XIAP: variants seen among roughly 807,000 people sequenced by gnomAD.
XIAP encodes the protein X-linked inhibitor of apoptosis, also known as E3 ubiquitin-protein ligase XIAP.
A neutral mutation model predicts 33.1 loss-of-function variants in XIAP; 3 were observed. The ratio of observed to expected loss-of-function variants is 0.09; its 90% confidence interval spans 0.04 to 0.23. The LOEUF is 0.23. Among genes scored for constraint, XIAP ranks in the 10% least tolerant of loss-of-function variants. XIAP has a pLI of 1.00. For synonymous variants in XIAP, 98 were observed against 121.3 expected, an observed-to-expected ratio of 0.81 and a Z score of 1.26; for missense variants, 264 against 363.0, an observed-to-expected ratio of 0.73 and a Z score of 2.22.
At position 123,901,085 on chromosome X, in the gene XIAP, G is replaced by T. The variant is rs749438762; in HGVS notation, c.1300+392G>T. On this transcript the variant is annotated intron_variant, in intron 6 of 6. Coordinates refer to ENST00000371199, the MANE Select transcript of XIAP (RefSeq NM_001167.4). The stretch of plus-strand genomic sequence containing the variant: ...GGAACACTAATCCCATCATGGGGGG[G>T]TCTCATCTTCATGACCTCATCTAAA... Among the ~76,000 whole-genome samples, 4 of 111,380 alleles carry T rather than the reference G, an allele frequency of 3.6e-5. No homozygotes were observed. In the East Asian group the frequency reaches 1.1e-3, roughly 32 times the overall value.
At chrX:123,872,196 G>A (rs965313731) in intron 1 of XIAP, among the ~76,000 whole-genome samples, 6 of 111,082 alleles carry the variant, frequency 5.4e-5, no homozygotes, top group African/African-American at 1.6e-4. Flanking sequence ...CCCAAAGTTC[G>A]CGGATACTTC....
chrX:123,868,578 A>G (rs771040339), intron 1 of XIAP, among the ~76,000 whole-genome samples: 5 of 110,394 alleles, frequency 4.5e-5, no homozygotes, highest in African/African-American at 1.3e-4. Context: ...AAAAATAGAA[A>G]AATTAACTGG....
At position 123,912,791 on chromosome X, in the gene XIAP, T is replaced by C. The variant is rs775050365; in HGVS notation, c.*5610T>C. ...ACTCTGCCTCGCAAGCAGCTGGGAC[T>C]ACAGGCATGCTCCACGGTGCCCAGT... On this transcript the variant is annotated 3_prime_UTR_variant, in exon 7 of 7. Transcript: ENST00000371199. The C allele has an allele frequency of 3.1e-6, 1 of 325,533 alleles. No individual in the cohort carries two copies. Among genetic ancestry groups the C allele is most frequent in the South Asian group, 2.7e-5 (1 of 37,617 alleles). 26.8% of individuals were successfully genotyped at this position (325,533 alleles called of 1,213,427 possible).
Position 123,900,689 on chromosome X carries a change from G to C in XIAP, c.1296G>C (p.Gln432His). 1 of 1,209,966 alleles carries C rather than the reference G, an allele frequency of 8.3e-7. No homozygotes were observed. Among genetic ancestry groups the C allele is most frequent in the Non-Finnish European group, 1.1e-6 (1 of 893,830 alleles). The change falls in exon 6 of 7, where the codon CAG (glutamine) becomes CAC (histidine). Residue 432 changes from glutamine to histidine, a missense_variant. Gln to His is a conservative substitution (Grantham distance 24). Coordinates refer to ENST00000371199, the MANE Select transcript of XIAP (RefSeq NM_001167.4). Reference sequence around the variant, plus strand: ...ATGAGTCAAGTCAGACTTCATTACAGAAAGGTATGCATTGCTGTTTTTAAA... The same window carrying C: ...ATGAGTCAAGTCAGACTTCATTACACAAAGGTATGCATTGCTGTTTTTAAA... ...MQDESSQTSL[Q>H]KEISTEEQLR...
rs1364490259 is a variant in XIAP, at chrX:123,886,645, A to G, written c.877+106A>G. 5 of 855,491 alleles carry G rather than the reference A, an allele frequency of 5.8e-6. No individual in the cohort carries two copies. The East Asian group carries it at 1.6e-4, about 28-fold the overall frequency. 70.5% of individuals were successfully genotyped at this position (855,491 alleles called of 1,213,427 possible). Reference sequence around the variant, plus strand: ...CTGAACTGGTAAATATTTAGGTATAACTTGGCATGATTATATATATATCTG... The same window carrying G: ...CTGAACTGGTAAATATTTAGGTATAGCTTGGCATGATTATATATATATCTG... On this transcript the variant is annotated intron_variant, in intron 2 of 6. Transcript: ENST00000371199.
chrX:123,867,047 C>A (rs765424377), intron 1 of XIAP, among the ~76,000 whole-genome samples: 1 of 77,530 alleles, frequency 1.3e-5, no homozygotes, highest in African/African-American at 4.8e-5. Flanking sequence ...TCCCCCCCCC[C>A]CCTTCAACAT....
chrX:123,912,374 A>T lies in XIAP; in HGVS notation c.*5193A>T. On this transcript the variant is annotated 3_prime_UTR_variant, in exon 7 of 7. Transcript: ENST00000371199. The stretch of plus-strand genomic sequence containing the variant: ...AAAAAAAAAAAAAGCAATTATTTTT[A>T]AACCAACCTAATATATTGTATTAGG... 3.1e-6 allele frequency: 1 copy of T among 320,841 alleles called. No individual in the cohort carries two copies. The highest frequency in any genetic ancestry group is 6.0e-6 in the Non-Finnish European group (1 of 167,764). The allele number at this position is 320,841 out of a possible 1,213,427, so 26.4% of individuals were successfully genotyped here.
At chrX:123,870,389 A>G (rs11796943) in intron 1 of XIAP, among the ~76,000 whole-genome samples, 25,362 of 111,642 alleles carry the variant, frequency 0.23, 2,286 homozygotes, top group Non-Finnish European at 0.27. Context: ...GCGGACACTC[A>G]TGAAATATGT....
At chrX:123,865,020 T>C (rs1431475397) in intron 1 of XIAP, among the ~76,000 whole-genome samples, 1 of 107,261 alleles carries the variant, frequency 9.3e-6, no homozygotes, top group African/African-American at 3.4e-5. Context: ...TTTTTTATGT[T>C]CGTCTGTTTT....
intron 1 of XIAP, among the ~76,000 whole-genome samples, chrX:123,870,855 C>T (rs930758706): frequency 8.9e-6 from 1 of 111,909 alleles, no homozygotes; most frequent in South Asian, 3.7e-4. Context: ...TAGAATACTT[C>T]ACTCTGAGGT....
At chrX:123,905,796 C>T (rs984543859) in intron 6 of XIAP, among the ~76,000 whole-genome samples, 4 of 112,230 alleles carry the variant, frequency 3.6e-5, no homozygotes, top group African/African-American at 1.3e-4. Context: ...AGGGAAATGC[C>T]TTGTACATTT....
chrX:123,865,062 C>T (rs2053122870), intron 1 of XIAP, among the ~76,000 whole-genome samples: 1 of 104,934 alleles, frequency 9.5e-6, no homozygotes, highest in South Asian at 4.2e-4. Flanking sequence ...TTTGTTTTTC[C>T]ATTGTTCTTT....
chrX:123,871,695 CTA>C (rs1375234669), intron 1 of XIAP, among the ~76,000 whole-genome samples: 3 of 109,648 alleles, frequency 2.7e-5, no homozygotes, highest in Admixed American at 2.0e-4. Context: ...CTGGGTCTAC[CTA>C]TGTTTCCCAA....
chrX:123,908,245 A>G lies in XIAP; in HGVS notation c.*1064A>G, dbSNP rs2148113134. On this transcript the variant is annotated 3_prime_UTR_variant, in exon 7 of 7. Coordinates refer to ENST00000371199, the MANE Select transcript of XIAP (RefSeq NM_001167.4). Reference sequence around the variant, plus strand: ...ATGTTTTTCCTGCTTTGTGGATGAAAAATATTTCTGAGTGGTAGTTTTTTG... The same window carrying G: ...ATGTTTTTCCTGCTTTGTGGATGAAGAATATTTCTGAGTGGTAGTTTTTTG... 1 of 361,801 alleles carries G rather than the reference A, an allele frequency of 2.8e-6. No homozygotes were observed. Among genetic ancestry groups the G allele is most frequent in the East Asian group, 6.3e-5 (1 of 15,818 alleles). 29.8% of individuals were successfully genotyped at this position (361,801 alleles called of 1,213,427 possible).
At position 123,908,505 on chromosome X, in the gene XIAP, T is replaced by C. The variant is rs761482412; in HGVS notation, c.*1324T>C. ...CATGTTTGTACACTGCTTGTAGTTATAGTGACAGCTTTCCATGTTGAGATT... is the reference window on the plus strand; with the variant it reads ...CATGTTTGTACACTGCTTGTAGTTACAGTGACAGCTTTCCATGTTGAGATT... On this transcript the variant is annotated 3_prime_UTR_variant, in exon 7 of 7. Transcript: ENST00000371199. 25 of 366,346 alleles carry C rather than the reference T, an allele frequency of 6.8e-5. 1 individual carries two copies. The highest frequency in any genetic ancestry group is 1.8e-4 in the East Asian group (3 of 16,803). 30.2% of individuals were successfully genotyped at this position (366,346 alleles called of 1,213,427 possible).
chrX:123,897,017 C>T (rs1359736363), intron 5 of XIAP, among the ~76,000 whole-genome samples: 1 of 105,875 alleles, frequency 9.4e-6, no homozygotes, highest in Non-Finnish European at 1.9e-5. Flanking sequence ...CCACAACCTC[C>T]GCCTCCCAGG....
At chrX:123,891,641 A>G (rs2053408984) in intron 4 of XIAP, among the ~76,000 whole-genome samples, 1 of 109,988 alleles carries the variant, frequency 9.1e-6, no homozygotes, top group South Asian at 3.8e-4. Flanking sequence ...ACATAGTGAG[A>G]CCCTGTCTCT....
At chrX:123,903,171 T>G (rs2148109146) in intron 6 of XIAP, among the ~76,000 whole-genome samples, 1 of 96,027 alleles carries the variant, frequency 1.0e-5, no homozygotes, top group South Asian at 4.9e-4. Flanking sequence ...CCTTAAAGAT[T>G]ATTTTATAAT....
chrX:123,907,910 A>G lies in XIAP; in HGVS notation c.*729A>G, dbSNP rs1252165971. On this transcript the variant is annotated 3_prime_UTR_variant, in exon 7 of 7. Transcript: ENST00000371199. The stretch of plus-strand genomic sequence containing the variant: ...GTTTTTAATATGCATAGAACAAAAG[A>G]TTTGGAAAGATATACACCAAACTGT... 1 of 305,757 alleles carries G rather than the reference A, an allele frequency of 3.3e-6. No individual in the cohort carries two copies. Among genetic ancestry groups the G allele is most frequent in the African/African-American group, 3.4e-5 (1 of 29,831 alleles). 25.2% of individuals were successfully genotyped at this position (305,757 alleles called of 1,213,427 possible). A position where few individuals can be genotyped will look rare whatever the true frequency, so the allele number is the denominator to read the frequency against.
Sources: allele counts gnomAD v4.1 joint callset (sites outside exome capture counted in the v4.1 genomes callset), GRCh38; gene constraint gnomAD v4.1.1; transcripts MANE v1.5; gene names NCBI Gene and HGNC (gene_info 2026-07-23, HGNC 2026-07-21).